The following ZNF391 variants were observed in gnomAD, a reference collection of about 807,000 sequenced individuals.
ZNF391 encodes the protein zinc finger protein 391.
For synonymous variants in ZNF391, 126 were observed against 142.1 expected (o/e 0.89, Z 0.80); for missense variants, 375 against 425.5 (o/e 0.88, Z 1.04).
chr6:27,382,349 C>T (rs966965565), intron 1 of ZNF391, among the ~76,000 whole-genome samples: 3 of 151,942 alleles, frequency 2.0e-5, no homozygotes, highest in East Asian at 3.9e-4. Context: ...AGGGAAACTC[C>T]GTCTCAAAAA....
chr6:27,398,555 G>A (rs1761877873), intron 1 of ZNF391, among the ~76,000 whole-genome samples: 2 of 152,130 alleles, frequency 1.3e-5, no homozygotes, highest in South Asian at 4.1e-4. Flanking sequence ...AATGTGAGGT[G>A]TTTGCTTTTT....
chr6:27,392,466 A>G (rs9461378), intron 1 of ZNF391, among the ~76,000 whole-genome samples: 107,423 of 151,974 alleles, frequency 0.71, 38,192 homozygotes, highest in Middle Eastern at 0.8. Context: ...ATGTTGGGCT[A>G]GTCTCGAACT....
upstream of ZNF391, among the ~76,000 whole-genome samples, chr6:27,387,630 G>T (rs556942542): frequency 8.5e-5 from 13 of 152,196 alleles, no homozygotes; most frequent in South Asian, 1.7e-3. Context: ...AAATAATCCA[G>T]ACATAAATAG....
At chr6:27,397,316 A>G (rs1046793883) in intron 1 of ZNF391, among the ~76,000 whole-genome samples, 8 of 152,190 alleles carry the variant, frequency 5.3e-5, no homozygotes, top group South Asian at 2.1e-4. Flanking sequence ...TAAATCTCAC[A>G]TGAACTAACT....
In ZNF391 at chr6:27,400,979, C is replaced by T. The variant is rs1761945557; in HGVS notation, c.609C>T (p.Ser203=). 2 of 1,614,126 alleles carry T rather than the reference C, an allele frequency of 1.2e-6. No homozygotes were observed. Among genetic ancestry groups the T allele is most frequent in the African/African-American group, 1.3e-5 (1 of 75,022 alleles). Residue 203 remains serine, a synonymous_variant, in exon 3 of 3, where the codon AGC becomes AGT. Transcript: ENST00000244576. ...GTAGTGAATGTGGAAAAGCCTTTAGCCGAAGCACTAACCTTAGTCAGCATC... is the reference window on the plus strand; with the variant it reads ...GTAGTGAATGTGGAAAAGCCTTTAGTCGAAGCACTAACCTTAGTCAGCATC... The part of the protein sequence containing the change: ...YECSECGKAF[S]RSTNLSQHQR...
At chr6:27,381,256 G>A (rs1047992926) in intron 1 of ZNF391, among the ~76,000 whole-genome samples, 5 of 152,246 alleles carry the variant, frequency 3.3e-5, no homozygotes, top group Non-Finnish European at 7.3e-5. Flanking sequence ...GCGCAGCGCC[G>A]GTGGGCTAGC....
upstream of ZNF391, among the ~76,000 whole-genome samples, chr6:27,383,911 C>A (rs1761544056): frequency 6.6e-6 from 1 of 152,178 alleles, no homozygotes; most frequent in Non-Finnish European, 1.5e-5. Context: ...ATAAGATTTA[C>A]ATCTGACTTC....
intron 1 of ZNF391, among the ~76,000 whole-genome samples, chr6:27,395,301 CT>C (rs1355612856): frequency 2.6e-5 from 4 of 151,598 alleles, no homozygotes; most frequent in Non-Finnish European, 2.9e-5. Context: ...TCCCTCGTGG[CT>C]TGGTGCTGTC....
rs575470727 is a variant in ZNF391 at position 27,396,850 on chromosome 6, C to CT, written c.-187-2586dup. Reference sequence around the variant, plus strand: ...TTTAGTTTCAGGTAATTATTAACAACTTTTTTGAAAGTCAGGTAGGATAAA... The same window carrying CT: ...TTTAGTTTCAGGTAATTATTAACAACTTTTTTTGAAAGTCAGGTAGGATAAA... On this transcript the variant is annotated intron_variant, in intron 1 of 2. Transcript: ENST00000244576. Among the ~76,000 whole-genome samples, 657 of 152,250 alleles carry CT rather than the reference C, an allele frequency of 4.3e-3. 7 individuals carry two copies. The highest frequency in any genetic ancestry group is 0.012 in the Admixed American group (177 of 15,300).
chr6:27,381,025 G>A (rs1225794067), intron 1 of ZNF391, among the ~76,000 whole-genome samples: 3 of 152,260 alleles, frequency 2.0e-5, no homozygotes, highest in African/African-American at 7.2e-5. Context: ...CCGCACCAGG[G>A]CTGCAAGTGG....
intron 1 of ZNF391, among the ~76,000 whole-genome samples, chr6:27,396,425 CA>C (rs11365608): frequency 0.71 from 108,229 of 151,880 alleles, 38,748 homozygotes; most frequent in Middle Eastern, 0.82. Context: ...AACATTGAAA[CA>C]AAAAAATGTA....
chr6:27,392,740 G>A (rs1761741754), intron 1 of ZNF391, among the ~76,000 whole-genome samples: 1 of 152,256 alleles, frequency 6.6e-6, no homozygotes, highest in Non-Finnish European at 1.5e-5. Context: ...TAAACAGAAA[G>A]TGTGATTCAG....
At chr6:27,393,529 T>C (rs1295476113) in intron 1 of ZNF391, among the ~76,000 whole-genome samples, 2 of 152,212 alleles carry the variant, frequency 1.3e-5, no homozygotes, top group African/African-American at 4.8e-5. Context: ...GCCTCAAGTA[T>C]TTCTTTATAG....
Position 27,400,454 on chromosome 6 carries a change from A to C in ZNF391, c.84A>C (p.Thr28=). The C allele has an allele frequency of 6.2e-7, 1 of 1,614,156 alleles. No homozygotes were observed. Among genetic ancestry groups the C allele is most frequent in the Non-Finnish European group, 8.5e-7 (1 of 1,180,026 alleles). The change falls in exon 3 of 3, where the codon ACA becomes ACC. Residue 28 remains threonine, a synonymous_variant. Coordinates refer to ENST00000244576, the MANE Select transcript of ZNF391 (RefSeq NM_001076781.3). ...YKNEGQLSRQ[T]KCPAQKKSSF... ...ACGAAGGCCAATTATCAAGGCAAAC[A>C]AAATGTCCTGCACAGAAGAAATCCT...
upstream of ZNF391, among the ~76,000 whole-genome samples, chr6:27,385,536 G>C (rs1334253620): frequency 6.6e-6 from 1 of 152,104 alleles, no homozygotes; most frequent in East Asian, 1.9e-4. Context: ...AGAGCTATCA[G>C]GGATAAAAAA....
chr6:27,400,522 A>C lies in ZNF391; in HGVS notation c.152A>C (p.Lys51Thr). 1 of 1,614,196 alleles carries C rather than the reference A, an allele frequency of 6.2e-7. No individual in the cohort carries two copies. The highest frequency in any genetic ancestry group is 8.5e-7 in the Non-Finnish European group (1 of 1,180,012). The change falls in exon 3 of 3, where the codon AAA becomes ACA. Residue 51 changes from lysine (K) to threonine (T), a missense_variant. Lys to Thr is a moderately conservative substitution (Grantham distance 78). Transcript: ENST00000244576. ...GTCAGAAAAGTGTCAGTGACACTCA[A>C]AGAAATTTTCACAGGGGAGGAAGGC... ...TVVRKVSVTL[K>T]EIFTGEEGPE...
At chr6:27,380,894 T>G (rs1184456305) in intron 1 of ZNF391, among the ~76,000 whole-genome samples, 1 of 152,050 alleles carries the variant, frequency 6.6e-6, no homozygotes, top group Admixed American at 6.5e-5. Flanking sequence ...ATTGGTATGT[T>G]TACAAACCTT....
intron 1 of ZNF391, among the ~76,000 whole-genome samples, chr6:27,375,760 A>G (rs1380530982): frequency 6.6e-6 from 1 of 152,232 alleles, no homozygotes; most frequent in Non-Finnish European, 1.5e-5. Flanking sequence ...ATAAAGTGTC[A>G]TAATTGTTAA....
chr6:27,398,823 C>T (rs1157440573), intron 1 of ZNF391, among the ~76,000 whole-genome samples: 2 of 152,062 alleles, frequency 1.3e-5, no homozygotes, highest in African/African-American at 2.4e-5. Context: ...CGCGCCATTG[C>T]ACTCGAGCCT....
Sources: allele counts gnomAD v4.1 joint callset (sites outside exome capture counted in the v4.1 genomes callset), GRCh38; gene constraint gnomAD v4.1.1; transcripts MANE v1.5; gene names NCBI Gene and HGNC (gene_info 2026-07-23, HGNC 2026-07-21).